The following KPNA6 variants were observed in gnomAD, a reference collection of about 807,000 sequenced individuals.
The protein encoded by KPNA6 is karyopherin subunit alpha 6, also known as importin subunit alpha-7.
Under a neutral mutation model 72.0 loss-of-function variants are expected in KPNA6, and 9 were observed. The observed-to-expected ratio is 0.13, with a 90% CI of 0.08 to 0.22. The LOEUF (loss-of-function observed/expected upper bound fraction) is 0.22. KPNA6 is among the 10% of genes least tolerant of loss of function. The pLI is 1.00. For synonymous variants in KPNA6, 219 were observed against 242.1 expected (o/e 0.90, Z 0.89); for missense variants, 374 against 655.7 (o/e 0.57, Z 4.69).
chr1:32,123,623 C>A (rs1475057749), intron 1 of KPNA6, among the ~76,000 whole-genome samples: 1 of 151,548 alleles, frequency 6.6e-6, no homozygotes, highest in Admixed American at 6.6e-5. Context: ...ATCTGTAGTC[C>A]CAGCTACTCA....
chr1:32,130,853 G>A (rs770011621), intron 1 of KPNA6, among the ~76,000 whole-genome samples: 3 of 152,006 alleles, frequency 2.0e-5, no homozygotes, highest in Non-Finnish European at 4.4e-5. Flanking sequence ...ATCTTAATGT[G>A]CTAATTGCTA....
At chr1:32,142,963 G>A (rs1423277336) in intron 1 of KPNA6, 1 of 1,289,610 alleles carries the variant, frequency 7.8e-7, no homozygotes, top group Non-Finnish European at 1.0e-6. Context: ...TGTCAGCTGT[G>A]CTTGAAGGAG....
At chr1:32,112,682 G>A (rs1348059134) in intron 1 of KPNA6, among the ~76,000 whole-genome samples, 2 of 151,980 alleles carry the variant, frequency 1.3e-5, no homozygotes. Flanking sequence ...TAGTAGAGAC[G>A]GAGTTTTACC....
At chr1:32,126,381 G>T (rs773594899) in intron 1 of KPNA6, among the ~76,000 whole-genome samples, 2 of 139,294 alleles carry the variant, frequency 1.4e-5, no homozygotes, top group African/African-American at 2.7e-5. Context: ...GAAGTCATCA[G>T]CATTTGTTTG....
At chr1:32,167,439 GC>G in intron 12 of KPNA6, 143 bp downstream of exon 12, 1 of 822,942 alleles carries the variant, frequency 1.2e-6, no homozygotes, top group Non-Finnish European at 1.9e-6. Context: ...CTGGTAAACT[GC>G]TACAGTGTCA....
At chr1:32,156,970 G>T in intron 3 of KPNA6, 25 bp downstream of exon 3, 1 of 1,556,406 alleles carries the variant, frequency 6.4e-7, no homozygotes, top group Non-Finnish European at 8.8e-7. Context: ...TGTGCCTCAG[G>T]CTGACCTGGA....
intron 1 of KPNA6, among the ~76,000 whole-genome samples, chr1:32,108,952 G>A (rs1641196251): frequency 6.6e-6 from 1 of 152,212 alleles, no homozygotes; most frequent in Non-Finnish European, 1.5e-5. Context: ...CTCTAAAGCA[G>A]TAAAAATTGT....
At chr1:32,154,528 T>C (rs2124058621) in intron 1 of KPNA6, 60 bp from the exon 2 acceptor site, 2 of 1,577,560 alleles carry the variant, frequency 1.3e-6, no homozygotes, top group African/African-American at 1.4e-5. Context: ...GATAGAAGTC[T>C]AGTGAAAAGG....
rs759805893 is a variant in KPNA6 at position 32,167,193 on chromosome 1, C to G, written c.1141C>G (p.Pro381Ala). 5 of 1,614,006 alleles carry G rather than the reference C, an allele frequency of 3.1e-6. No individual in the cohort carries two copies. In the South Asian group the frequency reaches 5.5e-5, roughly 18 times the overall value. ...GGCTGTTATAGATGCAAATATCTTCCCTGTGTTGATCGAAATCCTTCAGAA... is the reference window on the plus strand; with the variant it reads ...GGCTGTTATAGATGCAAATATCTTCGCTGTGTTGATCGAAATCCTTCAGAA... ...IQAVIDANIF[P>A]VLIEILQKAE... Residue 381 changes from proline (P) to alanine (A), a missense_variant, in exon 12 of 14, where the codon CCT becomes GCT. Transcript: ENST00000373625.
chr1:32,145,210 C>T (rs1359943052), intron 1 of KPNA6, among the ~76,000 whole-genome samples: 1 of 151,992 alleles, frequency 6.6e-6, no homozygotes, highest in Non-Finnish European at 1.5e-5. Flanking sequence ...CCACCCACCT[C>T]GGCCTCCCAA....
chr1:32,125,995 A>C lies in KPNA6; in HGVS notation c.4+17861A>C, dbSNP rs913304649. The stretch of plus-strand genomic sequence containing the variant: ...TATATTTACTAAAAAAAAAAAAAAA[A>C]AAAAAACCTGTCCTATTTTCAGAGC... On this transcript the variant is annotated intron_variant, in intron 1 of 13. Coordinates refer to ENST00000373625, the MANE Select transcript of KPNA6 (RefSeq NM_012316.5). 4.0e-5 allele frequency among the ~76,000 whole-genome samples: 6 copies of C among 151,370 alleles called. No homozygotes were observed. In the East Asian group the frequency reaches 9.6e-4, roughly 24 times the overall value.
intron 1 of KPNA6, among the ~76,000 whole-genome samples, chr1:32,126,795 C>T (rs1641543917): frequency 6.6e-6 from 1 of 152,034 alleles, no homozygotes; most frequent in Non-Finnish European, 1.5e-5. Context: ...TTTTAAACCC[C>T]TGGTCATTGG....
intron 10 of KPNA6, among the ~76,000 whole-genome samples, chr1:32,163,759 G>T (rs1465357992): frequency 1.3e-5 from 2 of 152,174 alleles, no homozygotes; most frequent in Admixed American, 1.3e-4. Flanking sequence ...AAGTTCCCCT[G>T]CTCAAAGGCT....
chr1:32,116,261 G>A (rs879468172), intron 1 of KPNA6, among the ~76,000 whole-genome samples: 6 of 149,708 alleles, frequency 4.0e-5, no homozygotes, highest in East Asian at 2.0e-4. Flanking sequence ...TCCGCCTCCC[G>A]GGTTCATGCC....
At position 32,175,238 on chromosome 1, in the gene KPNA6, A is replaced by G. The variant is rs1258402163; in HGVS notation, c.*4344A>G. 1 of 152,250 alleles carries G rather than the reference A, an allele frequency of 6.6e-6. No individual in the cohort carries two copies. Among genetic ancestry groups the G allele is most frequent in the African/African-American group, 2.4e-5 (1 of 41,456 alleles). The allele number at this position is 152,250 out of a possible 1,614,324, so 9.4% of individuals were successfully genotyped here. A position where few individuals can be genotyped will look rare whatever the true frequency, so the allele number is the denominator to read the frequency against. On this transcript the variant is annotated 3_prime_UTR_variant, in exon 14 of 14. Coordinates refer to ENST00000373625, the MANE Select transcript of KPNA6 (RefSeq NM_012316.5). ...GCAGGCTGTGAGAGTTAGAAGAGGC[A>G]GTATTACATGTTAGGCCCAGAACAC...
Position 32,171,361 on chromosome 1 carries a change from G to T in KPNA6, c.*467G>T, listed in dbSNP as rs977177260. 1 of 153,462 alleles carries T rather than the reference G, an allele frequency of 6.5e-6. No individual in the cohort carries two copies. Among genetic ancestry groups the T allele is most frequent in the African/African-American group, 2.4e-5 (1 of 41,420 alleles). The allele number at this position is 153,462 out of a possible 1,614,324, so 9.5% of individuals were successfully genotyped here. A position where few individuals can be genotyped will look rare whatever the true frequency, so the allele number is the denominator to read the frequency against. ...CTTGAGCAGACGGTATATTCCAGAG[G>T]TGGGAGGTGGGAGGGGAAGGGAGAA... On this transcript the variant is annotated 3_prime_UTR_variant, in exon 14 of 14. Transcript: ENST00000373625.
rs1468862473 is a variant in KPNA6 at position 32,172,874 on chromosome 1, T to G, written c.*1980T>G. 1 of 385,596 alleles carries G rather than the reference T, an allele frequency of 2.6e-6. No individual in the cohort carries two copies. Among genetic ancestry groups the G allele is most frequent in the Non-Finnish European group, 4.6e-6 (1 of 218,536 alleles). 23.9% of individuals were successfully genotyped at this position (385,596 alleles called of 1,614,324 possible). ...ACATCTCCTTCTGGCTCAGGTGAAA[T>G]CCATGCCCTTCTGCTTATAGACCTA... On this transcript the variant is annotated 3_prime_UTR_variant, in exon 14 of 14. Transcript: ENST00000373625.
intron 2 of KPNA6, among the ~76,000 whole-genome samples, chr1:32,156,538 A>T (rs1336389344): frequency 1.3e-5 from 2 of 152,352 alleles, no homozygotes; most frequent in East Asian, 1.9e-4. Context: ...CACTGGACAA[A>T]GGATGTTCAC....
intron 1 of KPNA6, among the ~76,000 whole-genome samples, chr1:32,128,858 A>G (rs1641587557): frequency 6.6e-6 from 1 of 152,172 alleles, no homozygotes; most frequent in Admixed American, 6.6e-5. Flanking sequence ...CTTTACCAGC[A>G]TAGCATTTTA....
Sources: allele counts gnomAD v4.1 joint callset (sites outside exome capture counted in the v4.1 genomes callset), GRCh38; gene constraint gnomAD v4.1.1; transcripts MANE v1.5; gene names NCBI Gene and HGNC (gene_info 2026-07-23, HGNC 2026-07-21).